The following HELB variants were observed in gnomAD, a reference collection of about 807,000 sequenced individuals.
HELB encodes DNA helicase B, also known as DNA 5'-3' helicase B.
A neutral mutation model predicts 101.7 loss-of-function variants in HELB; 96 were observed. The observed-to-expected ratio is 0.94, with a 90% CI of 0.80 to 1.12. The LOEUF is 1.12. Ranked by LOEUF, HELB falls within the 50% of genes most tolerant of loss-of-function variation. HELB has a pLI of 0.00. For missense variants in HELB, 1,210 were observed against 1,291.9 expected, an observed-to-expected ratio of 0.94 and a Z score of 0.97; for synonymous variants, 437 against 459.7, an observed-to-expected ratio of 0.95 and a Z score of 0.63.
chr12:66,324,439 G>A, intron 10 of HELB: 2 of 385,330 alleles, frequency 5.2e-6, no homozygotes, highest in South Asian at 6.0e-5. Flanking sequence ...AAATGAGTTG[G>A]GAAGTGCTTC....
chr12:66,302,630 C>T lies in HELB; in HGVS notation c.27C>T (p.Arg9=), dbSNP rs3741604. The T allele has an allele frequency of 0.48, 781,163 of 1,613,336 alleles. 197,414 individuals are homozygous for T. The highest frequency in any genetic ancestry group is 0.57 in the Middle Eastern group (3,483 of 6,062). The part of the protein sequence containing the change: MARSSPYL[R]QLQGPLLPPR... Reference sequence around the variant, plus strand: ...TGGCCAGGTCGAGTCCGTACCTGCGCCAACTTCAGGGACCTCTGCTCCCAC... The same window carrying T: ...TGGCCAGGTCGAGTCCGTACCTGCGTCAACTTCAGGGACCTCTGCTCCCAC... The change falls in exon 1 of 13, where the codon CGC becomes CGT. Residue 9 remains arginine (R), a synonymous_variant. Transcript: ENST00000247815.
intron 7 of HELB, 42 bp downstream of exon 7, chr12:66,318,834 A>G (rs772735609): frequency 4.1e-6 from 6 of 1,474,488 alleles, no homozygotes; most frequent in Non-Finnish European, 5.5e-6. Context: ...AAGTATAACT[A>G]TTTAAGTTTT....
chr12:66,315,467 C>A, intron 6 of HELB, 84 bp downstream of exon 6: 2 of 999,836 alleles, frequency 2.0e-6, no homozygotes, highest in Admixed American at 3.0e-5. Context: ...TGATTTAGTA[C>A]AATACATTAA....
At chr12:66,321,883 C>G in intron 7 of HELB, 65 bp from the exon 8 acceptor site, 1 of 672,436 alleles carries the variant, frequency 1.5e-6, no homozygotes, top group South Asian at 1.6e-5. Flanking sequence ...AGATTAGTTT[C>G]TTCATAGAAA....
intron 6 of HELB, among the ~76,000 whole-genome samples, chr12:66,316,914 G>A (rs1477327839): frequency 3.3e-5 from 5 of 151,760 alleles, no homozygotes; most frequent in Admixed American, 6.6e-5. Context: ...AGCTACTCGG[G>A]AGGCTGAGGC....
chr12:66,340,317 G>A (rs926672379), downstream of HELB: 5 of 152,074 alleles, frequency 3.3e-5, no homozygotes, highest in African/African-American at 9.7e-5. Context: ...CATCCTAGTG[G>A]GTATGAAGTA....
At chr12:66,313,352 A>G (rs1203819697) in intron 4 of HELB, among the ~76,000 whole-genome samples, 2 of 152,202 alleles carry the variant, frequency 1.3e-5, no homozygotes, top group African/African-American at 4.8e-5. Context: ...TTTGCAGATT[A>G]GGGATACTCA....
At chr12:66,342,401 G>C (rs976312479), downstream of HELB, 3 of 145,548 alleles carry the variant, frequency 2.1e-5, no homozygotes, top group Non-Finnish European at 4.5e-5. Flanking sequence ...TCGAGACGGA[G>C]TCTTGCCCTG....
rs1292084260 is a variant in HELB, at chr12:66,324,104, G to A, written c.2419G>A (p.Ala807Thr). 1 of 1,613,664 alleles carries A rather than the reference G, an allele frequency of 6.2e-7. No individual in the cohort carries two copies. Among genetic ancestry groups the A allele is most frequent in the Non-Finnish European group, 8.5e-7 (1 of 1,179,748 alleles). The change falls in exon 10 of 13, where the codon GCC (alanine) becomes ACC (threonine). Residue 807 changes from alanine (A) to threonine (T), a missense_variant. Around this residue, in one of 2 missense-constraint regions of HELB, gnomAD observed 740 missense variants for 728.8 expected, o/e 1.02. Coordinates refer to ENST00000247815, the MANE Select transcript of HELB (RefSeq NM_001370285.1). The part of the protein sequence containing the change: ...SGSQQNNDLD[A>T]SSEDFSGTLP... ...AAGTCAGCAAAATAATGATCTAGATGCCAGTAGTGAAGACTTTTCTGGTAC... is the reference window on the plus strand; with the variant it reads ...AAGTCAGCAAAATAATGATCTAGATACCAGTAGTGAAGACTTTTCTGGTAC...
rs12227179 is a variant in HELB at position 66,306,493 on chromosome 12, G to T, written c.756G>T (p.Pro252=). The T allele has an allele frequency of 6.3e-6, 10 of 1,580,864 alleles. No homozygotes were observed. The highest frequency in any genetic ancestry group is 1.7e-4 in the Middle Eastern group (1 of 5,988). The part of the protein sequence containing the change: ...KEIEEILGTH[P]WKLGFSKITY... ...TAGAAGAGATTTTAGGTACACATCC[G>T]TGGAAACTTGGATTTAGTAAAGTAA... Residue 252 remains proline (P), a synonymous_variant, in exon 3 of 13, where the codon CCG becomes CCT. Coordinates refer to ENST00000247815, the MANE Select transcript of HELB (RefSeq NM_001370285.1).
chr12:66,313,047 T>C (rs1178401792), intron 4 of HELB, among the ~76,000 whole-genome samples: 1 of 152,104 alleles, frequency 6.6e-6, no homozygotes, highest in African/African-American at 2.4e-5. Context: ...AGATAATAAA[T>C]TGAATATATC....
intron 12 of HELB, among the ~76,000 whole-genome samples, chr12:66,334,201 C>T (rs140159904): frequency 1.2e-3 from 177 of 151,560 alleles, no homozygotes; most frequent in African/African-American, 4.2e-3. Flanking sequence ...GTGGCTCACA[C>T]TTGTAATTCC....
chr12:66,336,953 A>C (rs1183528012), intron 12 of HELB, among the ~76,000 whole-genome samples: 1 of 152,172 alleles, frequency 6.6e-6, no homozygotes, highest in Non-Finnish European at 1.5e-5. Flanking sequence ...CTCAGCCAAA[A>C]GATTATTTCA....
intron 9 of HELB, 141 bp from the exon 10 acceptor site, chr12:66,323,842 T>A: frequency 1.6e-6 from 1 of 625,870 alleles, no homozygotes; most frequent in South Asian, 2.0e-5. Flanking sequence ...TTCTTGTTGC[T>A]CATTGGAGAA....
Position 66,326,663 on chromosome 12 carries a change from C to G in HELB, c.2670+1537C>G, listed in dbSNP as rs925013209. Reference sequence around the variant, plus strand: ...GGGTGGGGCTTTATTTATTAACTTACCCCATCTCGATTCCAAAAAGAATTT... The same window carrying G: ...GGGTGGGGCTTTATTTATTAACTTAGCCCATCTCGATTCCAAAAAGAATTT... On this transcript the variant is annotated intron_variant, in intron 11 of 12. Coordinates refer to ENST00000247815, the MANE Select transcript of HELB (RefSeq NM_001370285.1). Among the ~76,000 whole-genome samples the G allele has an allele frequency of 1.9e-4, 29 of 151,634 alleles. No homozygotes were observed. In the East Asian group the frequency reaches 3.1e-3, roughly 16 times the overall value.
chr12:66,323,495 C>A (rs1204993203), intron 9 of HELB, among the ~76,000 whole-genome samples: 2 of 152,138 alleles, frequency 1.3e-5, no homozygotes, highest in Non-Finnish European at 2.9e-5. Flanking sequence ...AATAATGTAC[C>A]TAAAGCAGTT....
chr12:66,311,100 G>A (rs965869668), intron 4 of HELB, among the ~76,000 whole-genome samples: 1 of 152,020 alleles, frequency 6.6e-6, no homozygotes, highest in Non-Finnish European at 1.5e-5. Context: ...GCATGAGAAA[G>A]GAGCTAATGG....
intron 10 of HELB, 73 bp downstream of exon 10, chr12:66,324,284 C>A: frequency 2.9e-6 from 3 of 1,020,596 alleles, no homozygotes; most frequent in South Asian, 1.4e-5. Context: ...TCCTAGGATT[C>A]ATTCAGAATC....
At chr12:66,324,946 T>C in intron 10 of HELB, 37 bp from the exon 11 acceptor site, 1 of 1,609,706 alleles carries the variant, frequency 6.2e-7, no homozygotes, top group Non-Finnish European at 8.5e-7. Flanking sequence ...AGAACATATT[T>C]GAAGGTATGC....
Sources: allele counts gnomAD v4.1 joint callset (sites outside exome capture counted in the v4.1 genomes callset), GRCh38; gene constraint gnomAD v4.1.1; regional missense constraint gnomAD v4.1.1; transcripts MANE v1.5; gene names NCBI Gene and HGNC (gene_info 2026-07-23, HGNC 2026-07-21).